TRIM66: variants seen among roughly 807,000 people sequenced by gnomAD.
The protein encoded by TRIM66 is tripartite motif containing 66.
TRIM66 carries 99 observed loss-of-function variants against 148.2 expected under a neutral mutation model. That is an observed-to-expected ratio of 0.67 (90% CI 0.57 to 0.79). TRIM66 has a LOEUF of 0.79. TRIM66 is among the 30% of genes least tolerant of loss of function. The probability of loss-of-function intolerance (pLI) is 0.00; values close to 1 mark genes in which losing one functional copy is unlikely to be tolerated. For synonymous variants in TRIM66, 616 were observed against 635.9 expected, an observed-to-expected ratio of 0.97 and a Z score of 0.47; for missense variants, 1,666 against 1,697.9, an observed-to-expected ratio of 0.98 and a Z score of 0.33.
At position 8,624,788 on chromosome 11, in the gene TRIM66, G is replaced by A; in HGVS notation, c.2751C>T (p.Ser917=). 6.4e-7 allele frequency: 1 copy of A among 1,551,420 alleles called. No homozygotes were observed. The highest frequency in any genetic ancestry group is 1.2e-5 in the South Asian group (1 of 84,006). Residue 917 remains serine (S), a synonymous_variant, in exon 16 of 25, where the codon TCC becomes TCT. Coordinates refer to ENST00000646038, the MANE Select transcript of TRIM66 (RefSeq NM_001388022.1). The stretch of plus-strand genomic sequence containing the variant: ...GGCTCCCTGAAGTTCGGCCAGAACT[G>A]GAGCTGGACCCAGTTTCTGGCTGCA... ...SDMQPETGSS[S]SSGRTSGSLC... is the part of the protein sequence containing the mutation.
intron 12 of TRIM66, among the ~76,000 whole-genome samples, chr11:8,644,810 C>T (rs1356162838): frequency 6.6e-6 from 1 of 152,146 alleles, no homozygotes; most frequent in African/African-American, 2.4e-5. Flanking sequence ...AGCTTTTGAC[C>T]CTTCTACTTC....
In TRIM66 at chr11:8,621,126, C is replaced by T; in HGVS notation, c.3451G>A (p.Val1151Ile). Residue 1151 changes from valine to isoleucine, a missense_variant, in exon 20 of 25, where the codon GTT (valine) becomes ATT (isoleucine). Val to Ile is a conservative substitution (Grantham distance 29). Coordinates refer to ENST00000646038, the MANE Select transcript of TRIM66 (RefSeq NM_001388022.1). Reference sequence around the variant, plus strand: ...AGTAACTCTCCGCCATTGAGGCAAACAGCACAGAAGTCCTCATTCTCTATT... The same window carrying T: ...AGTAACTCTCCGCCATTGAGGCAAATAGCACAGAAGTCCTCATTCTCTATT... Reference protein sequence around the residue: ...APIENEDFCAVCLNGGELLCC... With the variant: ...APIENEDFCAICLNGGELLCC... The T allele has an allele frequency of 1.9e-6, 3 of 1,551,742 alleles. No individual in the cohort carries two copies. Among genetic ancestry groups the T allele is most frequent in the Non-Finnish European group, 2.6e-6 (3 of 1,147,002 alleles).
chr11:8,619,477 T>C lies in TRIM66; in HGVS notation c.3806A>G (p.Lys1269Arg). The C allele has an allele frequency of 6.4e-7, 1 of 1,551,410 alleles. No homozygotes were observed. Among genetic ancestry groups the C allele is most frequent in the Non-Finnish European group, 8.7e-7 (1 of 1,146,820 alleles). ...GTGAGCTGGGTCCTTCTTTTGCAGC[T>C]TCCTCCGGATGATTGACAGGTCCAT... ...RPMDLSIIRR[K>R]LQKKDPAHYT... Residue 1269 changes from lysine to arginine, a missense_variant, in exon 23 of 25, where the codon AAG becomes AGG. This residue lies in a region of TRIM66 where 204 missense variants were observed against 231.0 expected (regional missense o/e 0.88). Coordinates refer to ENST00000646038, the MANE Select transcript of TRIM66 (RefSeq NM_001388022.1).
chr11:8,680,189 T>G (rs2039345578), intron 1 of TRIM66, 126 bp from the exon 2 acceptor site: 1 of 152,350 alleles, frequency 6.6e-6, no homozygotes, highest in Non-Finnish European at 1.5e-5. Flanking sequence ...GCAAATGGGA[T>G]ATACCAGGCA....
In TRIM66 at chr11:8,669,390, T is replaced by A. The variant is rs377746734; in HGVS notation, c.340+2396A>T. 9.8e-5 allele frequency among the ~76,000 whole-genome samples: 15 copies of A among 152,316 alleles called. No homozygotes were observed. The East Asian group carries it at 1.7e-3, about 18-fold the overall frequency. On this transcript the variant is annotated intron_variant, in intron 6 of 24. Transcript: ENST00000646038. ...CAGGTGCAGTGGCTCACGCCTGTAA[T>A]CCCAGCACTTTGGGAGGCCGAGGCA...
At chr11:8,645,597 A>G in intron 12 of TRIM66, 144 bp downstream of exon 12, 2 of 959,334 alleles carry the variant, frequency 2.1e-6, no homozygotes, top group Non-Finnish European at 3.0e-6. Flanking sequence ...TTGAATTTGA[A>G]GGATGGATGG....
intron 15 of TRIM66, among the ~76,000 whole-genome samples, chr11:8,636,704 T>C (rs2035911139): frequency 6.6e-6 from 1 of 152,180 alleles, no homozygotes; most frequent in Non-Finnish European, 1.5e-5. Flanking sequence ...ATTGATTTCA[T>C]TCATCCTCCT....
chr11:8,669,754 T>A (rs1053263342), intron 6 of TRIM66, among the ~76,000 whole-genome samples: 1 of 152,134 alleles, frequency 6.6e-6, no homozygotes, highest in African/African-American at 2.4e-5. Context: ...GGTCAGAGAT[T>A]GTTAAGCAAC....
rs1008527221 is a variant in TRIM66 at position 8,615,913 on chromosome 11, A to G, written c.*2031T>C. ...AGTTGCCCAACACCAAGTACAACAA[A>G]GTTCACAGGATGGTGGGAATGTGGG... On this transcript the variant is annotated 3_prime_UTR_variant, in exon 25 of 25. Transcript: ENST00000646038. 15 of 152,412 alleles carry G rather than the reference A, an allele frequency of 9.8e-5. No homozygotes were observed. Among genetic ancestry groups the G allele is most frequent in the African/African-American group, 3.4e-4 (14 of 41,592 alleles). 9.4% of individuals were successfully genotyped at this position (152,412 alleles called of 1,614,324 possible).
intron 3 of TRIM66, chr11:8,678,099 T>C (rs1049889714): frequency 6.6e-6 from 1 of 152,134 alleles, no homozygotes; most frequent in South Asian, 2.1e-4. Flanking sequence ...AAAAAATACA[T>C]AGTAACATAA....
chr11:8,622,933 C>A, intron 17 of TRIM66, 57 bp from the exon 18 acceptor site: 1 of 1,424,800 alleles, frequency 7.0e-7, no homozygotes, highest in South Asian at 1.2e-5. Flanking sequence ...CAAACCCCGT[C>A]ATGCATATCT....
In TRIM66 at chr11:8,651,879, T is replaced by A; in HGVS notation, c.365A>T (p.Glu122Val). 1.3e-6 allele frequency: 2 copies of A among 1,551,670 alleles called. No homozygotes were observed. Among genetic ancestry groups the A allele is most frequent in the Non-Finnish European group, 1.7e-6 (2 of 1,146,976 alleles). The change falls in exon 7 of 25, where the codon GAA (glutamate) becomes GTA (valine). Residue 122 changes from glutamate to valine, a missense_variant. By Grantham distance (121) the Glu-to-Val change is moderately radical. This residue lies in a region of TRIM66 where 1,431 missense variants were observed against 1,412.4 expected (regional missense o/e 1.01). Coordinates refer to ENST00000646038, the MANE Select transcript of TRIM66 (RefSeq NM_001388022.1). ...TACATCCCTGGTAAGATATACTCGT[T>A]CACACCCAGGACAGGAGATGAGCTC... ...ADELISCPGCERVYLTRDVTE... is the reference protein window; with the variant it reads ...ADELISCPGCVRVYLTRDVTE...
chr11:8,638,650 G>A lies in TRIM66; in HGVS notation c.2310+4C>T. 6.5e-7 allele frequency: 1 copy of A among 1,547,638 alleles called. No individual in the cohort carries two copies. Among genetic ancestry groups the A allele is most frequent in the Non-Finnish European group, 8.7e-7 (1 of 1,145,880 alleles). On this transcript the variant is annotated splice_donor_region_variant and intron_variant, in intron 15 of 24. Coordinates refer to ENST00000646038, the MANE Select transcript of TRIM66 (RefSeq NM_001388022.1). ...TAGTTAGGGAAAACAGGCTCCTTCA[G>A]TACCTTTCTCACCACATTTGGAGAG...
At chr11:8,675,799 C>T (rs569051547) in intron 3 of TRIM66, among the ~76,000 whole-genome samples, 32 of 151,994 alleles carry the variant, frequency 2.1e-4, no homozygotes, top group Non-Finnish European at 4.3e-4. Context: ...AGTGCAGTGG[C>T]GTGATCTTGA....
chr11:8,626,004 T>C (rs1467840905), intron 15 of TRIM66, among the ~76,000 whole-genome samples: 1 of 152,162 alleles, frequency 6.6e-6, no homozygotes, highest in African/African-American at 2.4e-5. Flanking sequence ...TATCACCCAA[T>C]CCGTACAATC....
At chr11:8,672,912 T>C (rs1310827865) in intron 4 of TRIM66, among the ~76,000 whole-genome samples, 1 of 149,290 alleles carries the variant, frequency 6.7e-6, no homozygotes, top group Non-Finnish European at 1.5e-5. Context: ...ATTACAAGCA[T>C]GAGCCACCAC....
intron 23 of TRIM66, 129 bp downstream of exon 23, chr11:8,619,238 TAAACACTCACCACAGC>T (rs1196828100): frequency 1.0e-6 from 1 of 998,042 alleles, no homozygotes; most frequent in Non-Finnish European, 1.4e-6. Flanking sequence ...AGAGAGCTTT[TAAACACTCACCACAGC>T]AGGCCCCCAG....
chr11:8,676,383 G>A (rs756419563), intron 3 of TRIM66, among the ~76,000 whole-genome samples: 9 of 152,110 alleles, frequency 5.9e-5, no homozygotes, highest in African/African-American at 2.2e-4. Flanking sequence ...CAAATAACAC[G>A]TTAGCTTTAT....
intron 7 of TRIM66, among the ~76,000 whole-genome samples, chr11:8,650,646 G>A (rs2133245595): frequency 6.6e-6 from 1 of 152,298 alleles, no homozygotes. Flanking sequence ...CACATTAACT[G>A]AGTAATGCTG....
Sources: gnomAD v4.1 joint callset for allele counts (sites outside exome capture counted in the v4.1 genomes callset) on GRCh38, gnomAD v4.1.1 for gene constraint, gnomAD v4.1.1 regional missense constraint, MANE v1.5 for transcripts, NCBI Gene and HGNC (gene_info 2026-07-23, HGNC 2026-07-21) for gene names.